Variants in COL6A5 observed in about 807,000 individuals in gnomAD.
COL6A5 encodes collagen alpha-5(VI) chain.
A neutral mutation model predicts 65.6 loss-of-function variants in COL6A5; 48 were observed. That is an observed-to-expected ratio of 0.73 (90% CI 0.58 to 0.93). COL6A5 has a LOEUF of 0.93. COL6A5 is among the 40% of genes least tolerant of loss of function. COL6A5 has a pLI of 0.00. For synonymous variants in COL6A5, 291 were observed against 322.8 expected, an observed-to-expected ratio of 0.90 and a Z score of 1.05; for missense variants, 914 against 928.3, an observed-to-expected ratio of 0.98 and a Z score of 0.20.
At chr3:130,431,740 G>A (rs1482810346) in exon 1 of COL6A5, 1 of 1,551,466 alleles carries the variant, frequency 6.4e-7, no homozygotes, top group African/African-American at 1.4e-5. Flanking sequence ...AGAGCCCCGA[G>A]ATGTTGGTAA....
intron 5 of COL6A5, among the ~76,000 whole-genome samples, 176 bp downstream of exon 37, chr3:130,455,842 C>G (rs770510540): frequency 6.6e-6 from 1 of 152,124 alleles, no homozygotes; most frequent in Non-Finnish European, 1.5e-5. Flanking sequence ...TGGTGACAGG[C>G]ACTGCTAGGG....
At chr3:130,477,068 C>T (rs1710117290) in intron 7 of COL6A5, 2 of 1,512,606 alleles carry the variant, frequency 1.3e-6, no homozygotes, top group Non-Finnish European at 1.8e-6. Context: ...ACATCTGAAG[C>T]ATCTTACCTA....
chr3:130,405,917 C>G (rs954550611), intron 14 of COL6A5, 76 bp from the exon 15 acceptor site: 2 of 1,384,868 alleles, frequency 1.4e-6, no homozygotes, highest in Admixed American at 3.9e-5. Flanking sequence ...TACATGCTCA[C>G]TCACTTTAGA....
exon 3 of COL6A5, chr3:130,376,247 T>G: frequency 6.2e-7 from 1 of 1,600,698 alleles, no homozygotes; most frequent in African/African-American, 1.3e-5. Flanking sequence ...GGCCAGGCCC[T>G]GTGTATGCAG....
intron 4 of COL6A5, among the ~76,000 whole-genome samples, chr3:130,449,163 G>A (rs1378785266): frequency 6.6e-6 from 1 of 152,126 alleles, no homozygotes. Context: ...AATCCAAATG[G>A]GTATGTCGGA....
At chr3:130,476,489 A>C (rs966426073) in intron 7 of COL6A5, among the ~76,000 whole-genome samples, 1 of 151,882 alleles carries the variant, frequency 6.6e-6, no homozygotes, top group Non-Finnish European at 1.5e-5. Flanking sequence ...TATACATTAG[A>C]ATCACCTAGT....
At chr3:130,440,579 G>T in exon 3 of COL6A5, 1 of 1,613,424 alleles carries the variant, frequency 6.2e-7, no homozygotes, top group Non-Finnish European at 8.5e-7. Context: ...AAAACACAAG[G>T]TCATCTTTGT....
intron 7 of COL6A5, 75 bp from the exon 8 acceptor site, chr3:130,394,815 A>C (rs970138751): frequency 4.8e-6 from 5 of 1,045,806 alleles, no homozygotes; most frequent in Admixed American, 2.6e-5. Context: ...TTAGTAAAGC[A>C]ATTTAAGTAT....
chr3:130,422,051 G>A (rs928692896), intron 27 of COL6A5, among the ~76,000 whole-genome samples: 1 of 151,984 alleles, frequency 6.6e-6, no homozygotes, highest in African/African-American at 2.4e-5. Flanking sequence ...ACAAAATATG[G>A]GTTAAAAAGT....
At chr3:130,457,800 T>A (rs1709611321) in intron 5 of COL6A5, among the ~76,000 whole-genome samples, 1 of 152,174 alleles carries the variant, frequency 6.6e-6, no homozygotes, top group Admixed American at 6.6e-5. Flanking sequence ...TTCTGTATAG[T>A]GTGCTGTCCT....
At chr3:130,353,508 G>A (rs944126865) in intron 1 of COL6A5, among the ~76,000 whole-genome samples, 2 of 151,896 alleles carry the variant, frequency 1.3e-5, no homozygotes, top group Non-Finnish European at 2.9e-5. Flanking sequence ...AAGTCCAGAA[G>A]GAAAATAAAA....
At chr3:130,473,456 A>G (rs2107619302) in intron 7 of COL6A5, among the ~76,000 whole-genome samples, 1 of 152,156 alleles carries the variant, frequency 6.6e-6, no homozygotes, top group South Asian at 2.1e-4. Flanking sequence ...CTTTTCTGTC[A>G]TGGGTTTGCT....
At chr3:130,403,627 G>A (rs1454905767) in exon 13 of COL6A5, 12 of 1,551,102 alleles carry the variant, frequency 7.7e-6, no homozygotes, top group Non-Finnish European at 1.0e-5. Flanking sequence ...AGGTCTGAAA[G>A]GCAGCAGAGG....
intron 20 of COL6A5, among the ~76,000 whole-genome samples, chr3:130,411,683 T>C (rs2107675017): frequency 6.6e-6 from 1 of 152,250 alleles, no homozygotes; most frequent in East Asian, 1.9e-4. Context: ...TTTTTGTTGG[T>C]TTAAGAGGAA....
intron 1 of COL6A5, among the ~76,000 whole-genome samples, chr3:130,347,225 G>A (rs1934516003): frequency 2.0e-5 from 3 of 152,118 alleles, no homozygotes; most frequent in Non-Finnish European, 4.4e-5. Context: ...GGTGGGTGCA[G>A]GATGTAAGGT....
intron 29 of COL6A5, among the ~76,000 whole-genome samples, chr3:130,425,533 A>G (rs1937586313): frequency 6.6e-6 from 1 of 152,172 alleles, no homozygotes; most frequent in African/African-American, 2.4e-5. Context: ...TGGAAGTAAG[A>G]AGGAGCAAAG....
chr3:130,477,298 C>A (rs1400539207), intron 7 of COL6A5: 2 of 452,398 alleles, frequency 4.4e-6, no homozygotes, highest in Admixed American at 3.9e-5. Flanking sequence ...TAAGTTTGAT[C>A]ATCTATTTGA....
intron 1 of COL6A5, among the ~76,000 whole-genome samples, chr3:130,437,682 C>T (rs1048327500): frequency 5.3e-5 from 8 of 152,072 alleles, no homozygotes; most frequent in South Asian, 2.1e-4. Flanking sequence ...ATCCCAGACA[C>T]GCTGTCTTCC....
intron 7 of COL6A5, among the ~76,000 whole-genome samples, chr3:130,472,938 TG>T (rs2107618709): frequency 6.7e-6 from 1 of 148,262 alleles, no homozygotes; most frequent in East Asian, 2.0e-4. Context: ...GTTTTAGATA[TG>T]GGTATAATTG....
Sources: gnomAD v4.1 joint callset for allele counts (sites outside exome capture counted in the v4.1 genomes callset) on GRCh38, gnomAD v4.1.1 for gene constraint, MANE v1.5 for transcripts, NCBI Gene and HGNC (gene_info 2026-07-23, HGNC 2026-07-21) for gene names.